MAN1A1: variants seen among roughly 807,000 people sequenced by gnomAD.
MAN1A1 encodes the protein mannosyl-oligosaccharide 1,2-alpha-mannosidase IA.
Under a neutral mutation model 70.8 loss-of-function variants are expected in MAN1A1, and 29 were observed. The ratio of observed to expected loss-of-function variants is 0.41; its 90% CI spans 0.31 to 0.56. The LOEUF (loss-of-function observed/expected upper bound fraction) is 0.56, where lower values mean the gene tolerates loss of function less well. Among genes scored for constraint, MAN1A1 ranks in the 20% least tolerant of loss-of-function variants. The probability of loss-of-function intolerance (pLI) is 0.29; values close to 1 mark genes in which losing one functional copy is unlikely to be tolerated. For synonymous variants in MAN1A1, 349 were observed against 330.1 expected, an observed-to-expected ratio of 1.06 and a Z score of -0.62; for missense variants, 747 against 841.3, an observed-to-expected ratio of 0.89 and a Z score of 1.39.
At chr6:119,337,931 C>T (rs564191878) in intron 2 of MAN1A1, among the ~76,000 whole-genome samples, 3 of 152,208 alleles carry the variant, frequency 2.0e-5, no homozygotes, top group South Asian at 4.1e-4. Flanking sequence ...TTTTATACTT[C>T]CTAATAAGAA....
Position 119,189,886 on chromosome 6 carries a change from G to T in MAN1A1, c.1327-3C>A. 6.2e-7 allele frequency: 1 copy of T among 1,605,718 alleles called. No individual in the cohort carries two copies. ...CGGATCAAATGAGTCTCGATAGCCT[G>T]TGAAAAACACTTATTTTTTAACATT... is the stretch of plus-strand genomic sequence containing the variant. On this transcript the variant is annotated splice_polypyrimidine_tract_variant and splice_region_variant and intron_variant, in intron 9 of 12. Transcript: ENST00000368468.
At chr6:119,277,616 G>T in intron 5 of MAN1A1, among the ~76,000 whole-genome samples, 1 of 152,008 alleles carries the variant, frequency 6.6e-6, no homozygotes. Context: ...TAGGTCAGGA[G>T]TTCAAGACCA....
chr6:119,222,326 ATTTTTT>A (rs35446116), intron 6 of MAN1A1, among the ~76,000 whole-genome samples: 1 of 115,314 alleles, frequency 8.7e-6, no homozygotes, highest in Non-Finnish European at 1.8e-5. Context: ...TTTTTTAAGG[ATTTTTT>A]TTTTTTTTTT....
chr6:119,246,513 G>C (rs1260049489), intron 6 of MAN1A1, among the ~76,000 whole-genome samples: 1 of 152,126 alleles, frequency 6.6e-6, no homozygotes, highest in East Asian at 1.9e-4. Flanking sequence ...TTAGCCAAGA[G>C]AGTTTAAATG....
At chr6:119,253,005 G>A (rs1156439861) in intron 5 of MAN1A1, among the ~76,000 whole-genome samples, 1 of 151,916 alleles carries the variant, frequency 6.6e-6, no homozygotes, top group Non-Finnish European at 1.5e-5. Flanking sequence ...TGAAAAAACT[G>A]GCTAAGTGGG....
chr6:119,249,171 C>T (rs781494147), intron 5 of MAN1A1, among the ~76,000 whole-genome samples: 4 of 152,050 alleles, frequency 2.6e-5, no homozygotes, highest in South Asian at 2.1e-4. Context: ...CGACAGAAGG[C>T]GGCAAGTGGG....
intron 5 of MAN1A1, among the ~76,000 whole-genome samples, chr6:119,284,442 G>T (rs1582766734): frequency 6.6e-6 from 1 of 152,100 alleles, no homozygotes; most frequent in South Asian, 2.1e-4. Context: ...CTGCTCTCAA[G>T]GTCTTTCCCA....
At chr6:119,257,585 A>C (rs1164472970) in intron 5 of MAN1A1, among the ~76,000 whole-genome samples, 1 of 152,228 alleles carries the variant, frequency 6.6e-6, no homozygotes, top group Non-Finnish European at 1.5e-5. Context: ...TCCTTTAAAA[A>C]AATTTTCCTC....
intron 8 of MAN1A1, among the ~76,000 whole-genome samples, chr6:119,197,098 C>T (rs1250523118): frequency 1.3e-5 from 2 of 152,146 alleles, no homozygotes; most frequent in Admixed American, 1.3e-4. Context: ...CACCTGAGGT[C>T]AGGAGTTTGA....
At chr6:119,338,126 A>G (rs545317163) in intron 2 of MAN1A1, among the ~76,000 whole-genome samples, 136 of 151,968 alleles carry the variant, frequency 8.9e-4, no homozygotes, top group Middle Eastern at 3.4e-3. Flanking sequence ...AATTACTATC[A>G]TGTCTAACCA....
intron 2 of MAN1A1, among the ~76,000 whole-genome samples, chr6:119,332,384 C>G (rs1404504606): frequency 6.6e-6 from 1 of 152,200 alleles, no homozygotes; most frequent in Non-Finnish European, 1.5e-5. Context: ...AACTGAGAAG[C>G]TGCACTTTTT....
intron 6 of MAN1A1, among the ~76,000 whole-genome samples, chr6:119,225,259 AG>A (rs1318391550): frequency 6.6e-6 from 1 of 152,054 alleles, no homozygotes; most frequent in Non-Finnish European, 1.5e-5. Flanking sequence ...AACTGGAGCC[AG>A]GTGCGGTGGC....
intron 9 of MAN1A1, 63 bp from the exon 10 acceptor site, chr6:119,189,946 GC>G: frequency 2.4e-6 from 3 of 1,249,096 alleles, no homozygotes; most frequent in Admixed American, 2.1e-5. Flanking sequence ...CTAAAAATAT[GC>G]CCAACATTAA....
At chr6:119,334,312 C>A (rs1175655599) in intron 2 of MAN1A1, among the ~76,000 whole-genome samples, 1 of 152,160 alleles carries the variant, frequency 6.6e-6, no homozygotes, top group African/African-American at 2.4e-5. Flanking sequence ...CAAAGAATAT[C>A]TTTCCTTTTA....
chr6:119,268,434 G>GT (rs139496159), intron 5 of MAN1A1, among the ~76,000 whole-genome samples: 6,256 of 148,978 alleles, frequency 0.042, 146 homozygotes, highest in African/African-American at 0.054. Flanking sequence ...GTCCCCAAGT[G>GT]TTTTTTTTTT....
chr6:119,250,350 T>C (rs552321831), intron 5 of MAN1A1, among the ~76,000 whole-genome samples: 3 of 152,346 alleles, frequency 2.0e-5, no homozygotes, highest in Admixed American at 1.3e-4. Context: ...ATGCCTGTGC[T>C]TGAATCTCAG....
intron 2 of MAN1A1, among the ~76,000 whole-genome samples, chr6:119,334,722 C>T (rs1773407149): frequency 6.6e-6 from 1 of 152,236 alleles, no homozygotes; most frequent in African/African-American, 2.4e-5. Flanking sequence ...CTCTAATAAT[C>T]AACGGATATT....
chr6:119,189,065 A>C (rs1462860059), intron 10 of MAN1A1, among the ~76,000 whole-genome samples: 1 of 152,238 alleles, frequency 6.6e-6, no homozygotes, highest in African/African-American at 2.4e-5. Context: ...TATAATATTC[A>C]TATACTTAAA....
Position 119,188,355 on chromosome 6 carries a change from T to C in MAN1A1, c.1719+50A>G, listed in dbSNP as rs776277695. 6 of 1,518,026 alleles carry C rather than the reference T, an allele frequency of 4.0e-6. No individual in the cohort carries two copies. In the Middle Eastern group the frequency reaches 1.3e-3, roughly 330 times the overall value. 94.0% of individuals were successfully genotyped at this position (1,518,026 alleles called of 1,614,324 possible). On this transcript the variant is annotated intron_variant, in intron 11 of 12. Coordinates refer to ENST00000368468, the MANE Select transcript of MAN1A1 (RefSeq NM_005907.4). ...CCTGATTTATGGGTATCACTGAACA[T>C]TTTTTACTATGAAATTTATCTATAA...
Sources: gnomAD v4.1 joint callset for allele counts (sites outside exome capture counted in the v4.1 genomes callset) on GRCh38, gnomAD v4.1.1 for gene constraint, MANE v1.5 for transcripts, NCBI Gene and HGNC (gene_info 2026-07-23, HGNC 2026-07-21) for gene names.